BCAS3: variants seen among roughly 807,000 people sequenced by gnomAD.
The protein encoded by BCAS3 is BCAS3 microtubule associated cell migration factor.
A neutral mutation model predicts 116.1 loss-of-function variants in BCAS3; 53 were observed. The ratio of observed to expected loss-of-function variants is 0.46; its 90% CI spans 0.37 to 0.57. The LOEUF is 0.57. BCAS3 is among the 20% of genes least tolerant of loss of function. BCAS3 has a pLI of 0.00. For synonymous variants in BCAS3, 391 were observed against 408.2 expected, an observed-to-expected ratio of 0.96 and a Z score of 0.51; for missense variants, 917 against 1,165.4, an observed-to-expected ratio of 0.79 and a Z score of 3.10.
chr17:61,271,979 T>G (rs2050323745), intron 22 of BCAS3, among the ~76,000 whole-genome samples: 1 of 151,920 alleles, frequency 6.6e-6, no homozygotes, highest in Admixed American at 6.6e-5. Context: ...CCAGCTATTT[T>G]TTTTATTTTT....
At chr17:61,079,223 C>A (rs1168299306) in intron 21 of BCAS3, among the ~76,000 whole-genome samples, 1 of 151,842 alleles carries the variant, frequency 6.6e-6, no homozygotes, top group Non-Finnish European at 1.5e-5. Flanking sequence ...TTCTTGTCTT[C>A]TCTTTAAAAA....
At chr17:61,169,106 A>C (rs1008528667) in intron 22 of BCAS3, among the ~76,000 whole-genome samples, 1 of 152,204 alleles carries the variant, frequency 6.6e-6, no homozygotes, top group African/African-American at 2.4e-5. Context: ...TAACATTAGA[A>C]TATATTTCAT....
rs115152996 is a variant in BCAS3, at chr17:61,325,098, G to A, written c.2426-43229G>A. On this transcript the variant is annotated intron_variant, in intron 22 of 23. Coordinates refer to ENST00000407086, the MANE Select transcript of BCAS3 (RefSeq NM_017679.5). The surrounding 1 kb of genome is among the most constrained non-coding windows in gnomAD (Gnocchi z 6.4). ...CAGTTAGCCTGGGCTTTAAAACCCC[G>A]CTCCCTCCACTGCCAAATGAGTTGC... 9.2e-5 allele frequency among the ~76,000 whole-genome samples: 14 copies of A among 152,116 alleles called. No individual in the cohort carries two copies. The highest frequency in any genetic ancestry group is 5.8e-4 in the East Asian group (3 of 5,180).
At chr17:61,058,078 A>G (rs1474003125) in intron 19 of BCAS3, among the ~76,000 whole-genome samples, 1 of 152,088 alleles carries the variant, frequency 6.6e-6, no homozygotes, top group Non-Finnish European at 1.5e-5. Flanking sequence ...TTGATAGTGT[A>G]TAAGCTCTTA....
intron 6 of BCAS3, among the ~76,000 whole-genome samples, chr17:60,790,740 G>GTTTTTTTTTTTTTTTTTTTTGTT (rs2046689550): frequency 8.4e-6 from 1 of 118,968 alleles, no homozygotes; most frequent in Non-Finnish European, 1.7e-5. Flanking sequence ...GTGTTTGTAG[G>GTTTTTTTTTTTTTTTTTTTTGTT]TTTTTTTTTT....
rs181236595 is a variant in BCAS3 at position 61,317,995 on chromosome 17, G to A, written c.2426-50332G>A. 8.8e-4 allele frequency among the ~76,000 whole-genome samples: 134 copies of A among 152,320 alleles called. No homozygotes were observed. In the Middle Eastern group the frequency reaches 0.01, roughly 12 times the overall value. On this transcript the variant is annotated intron_variant, in intron 22 of 23. Coordinates refer to ENST00000407086, the MANE Select transcript of BCAS3 (RefSeq NM_017679.5). ...CGCAAGCTGTTCTGGCAGGCGTAACGCGTAGGACCAACAGTGAAAGCACAG... is the reference window on the plus strand; with the variant it reads ...CGCAAGCTGTTCTGGCAGGCGTAACACGTAGGACCAACAGTGAAAGCACAG...
Position 60,970,100 on chromosome 17 carries a change from G to A in BCAS3, c.1222-19871G>A, listed in dbSNP as rs1194092734. 2.0e-5 allele frequency among the ~76,000 whole-genome samples: 3 copies of A among 152,154 alleles called. No homozygotes were observed. In the East Asian group the frequency reaches 5.8e-4, roughly 29 times the overall value. On this transcript the variant is annotated intron_variant, in intron 14 of 23. Transcript: ENST00000407086. ...GATGATTTTTCCCTTTTAAAAATTTGTGTCTAATATATGGGAATGATTGAA... is the reference window on the plus strand; with the variant it reads ...GATGATTTTTCCCTTTTAAAAATTTATGTCTAATATATGGGAATGATTGAA...
chr17:60,936,511 C>G (rs931625571), intron 13 of BCAS3, among the ~76,000 whole-genome samples: 21 of 152,156 alleles, frequency 1.4e-4, no homozygotes, highest in Non-Finnish European at 2.9e-4. Flanking sequence ...CACATCCTCT[C>G]CAGCACCTGT....
chr17:61,109,283 T>TTGTGTGTGTGTGTGTGTG (rs113547904), intron 22 of BCAS3, among the ~76,000 whole-genome samples: 33 of 145,428 alleles, frequency 2.3e-4, no homozygotes, highest in African/African-American at 8.1e-4. Flanking sequence ...AGTATTCCAT[T>TTGTGTGTGTGTGTGTGTG]TGTGTGTGTG....
Position 61,203,063 on chromosome 17 carries a change from A to C in BCAS3, c.2425+118499A>C, listed in dbSNP as rs757199007. ...CTGTGCACTAGCTCTCTCTTCAAAA[A>C]AATTATTTAAGTTACATTAAATTTT... On this transcript the variant is annotated intron_variant, in intron 22 of 23. Coordinates refer to ENST00000407086, the MANE Select transcript of BCAS3 (RefSeq NM_017679.5). The surrounding 1 kb of genome is among the most constrained non-coding windows in gnomAD (Gnocchi z 5.7). Among the ~76,000 whole-genome samples, 11 of 152,200 alleles carry C rather than the reference A, an allele frequency of 7.2e-5. No homozygotes were observed. Among genetic ancestry groups the C allele is most frequent in the Admixed American group, 1.3e-4 (2 of 15,278 alleles).
chr17:60,985,624 T>C (rs1397079711), intron 14 of BCAS3, among the ~76,000 whole-genome samples: 2 of 152,152 alleles, frequency 1.3e-5, no homozygotes, highest in Admixed American at 1.3e-4. Context: ...ATCCATTCTT[T>C]CTATTTTTCG....
chr17:61,338,892 A>G lies in BCAS3; in HGVS notation c.2426-29435A>G, dbSNP rs1317951349. Among the ~76,000 whole-genome samples the G allele has an allele frequency of 1.6e-3, 171 of 108,596 alleles. 1 individual carries two copies. The highest frequency in any genetic ancestry group is 8.0e-3 in the African/African-American group (160 of 19,952). 71.2% of individuals were successfully genotyped at this position (108,596 alleles called of 152,430 possible). ...CCTATCTGGTGCCCTTACTGGGAAA[A>G]AAAAAAAAAAAAAAAAAAAAAAAAG... On this transcript the variant is annotated intron_variant, in intron 22 of 23. Coordinates refer to ENST00000407086, the MANE Select transcript of BCAS3 (RefSeq NM_017679.5).
At chr17:61,002,717 A>G (rs1031430077) in intron 15 of BCAS3, 6 of 152,084 alleles carry the variant, frequency 3.9e-5, no homozygotes, top group Admixed American at 3.9e-4. Flanking sequence ...TTTTTTAGTT[A>G]TATCATTTGA....
At position 61,010,098 on chromosome 17, in the gene BCAS3, G is replaced by A. The variant is rs2065010375; in HGVS notation, c.1487-5653G>A. On this transcript the variant is annotated intron_variant, in intron 15 of 23. Transcript: ENST00000407086. ...TTTTTTTTTTTTTTTTCCTGTGGAA[G>A]TGAGTCTGTTAATGATGACTGGTTT... Among the ~76,000 whole-genome samples the A allele has an allele frequency of 2.9e-5, 4 of 140,086 alleles. No homozygotes were observed. In the South Asian group the frequency reaches 9.0e-4, roughly 32 times the overall value. The allele number at this position is 140,086 out of a possible 152,430, so 91.9% of individuals were successfully genotyped here. A position where few individuals can be genotyped will look rare whatever the true frequency, so the allele number is the denominator to read the frequency against.
At chr17:60,846,286 A>G (rs1043542355) in intron 7 of BCAS3, among the ~76,000 whole-genome samples, 6 of 152,104 alleles carry the variant, frequency 3.9e-5, no homozygotes, top group Non-Finnish European at 8.8e-5. Context: ...ACTTATGTCA[A>G]AAGTCCTTTT....
At chr17:61,080,302 C>T (rs1238215318) in intron 21 of BCAS3, among the ~76,000 whole-genome samples, 5 of 152,162 alleles carry the variant, frequency 3.3e-5, no homozygotes, top group Non-Finnish European at 5.9e-5. Flanking sequence ...TCTAATTCTT[C>T]ACCAACTTAT....
intron 5 of BCAS3, among the ~76,000 whole-genome samples, chr17:60,714,892 C>T (rs928308521): frequency 2.6e-5 from 4 of 152,128 alleles, no homozygotes; most frequent in Non-Finnish European, 5.9e-5. Flanking sequence ...CAGAGCCCTT[C>T]TTTCAACACA....
intron 22 of BCAS3, among the ~76,000 whole-genome samples, chr17:61,320,971 T>C (rs1329687623): frequency 2.0e-5 from 3 of 152,222 alleles, no homozygotes; most frequent in South Asian, 2.1e-4. Flanking sequence ...TGCTGTGATA[T>C]AGGCAAGGAT....
In BCAS3 at chr17:61,180,006, G is replaced by GT. The variant is rs1395551335; in HGVS notation, c.2425+95445dup. Among the ~76,000 whole-genome samples, 1 of 151,198 alleles carries GT rather than the reference G, an allele frequency of 6.6e-6. No individual in the cohort carries two copies. Among genetic ancestry groups the GT allele is most frequent in the African/African-American group, 2.4e-5 (1 of 41,126 alleles). On this transcript the variant is annotated intron_variant, in intron 22 of 23. Coordinates refer to ENST00000407086, the MANE Select transcript of BCAS3 (RefSeq NM_017679.5). The surrounding 1 kb of genome is among the most constrained non-coding windows in gnomAD (Gnocchi z 6.0). ...GAGAGTCCTTTGTATTCTCTGAGCT[G>GT]TTTCATAAAAATATATCTGCAAGCT...
Sources: allele counts gnomAD v4.1 joint callset (sites outside exome capture counted in the v4.1 genomes callset), GRCh38; gene constraint gnomAD v4.1.1; non-coding constraint Gnocchi (gnomAD v3.1); transcripts MANE v1.5; gene names NCBI Gene and HGNC (gene_info 2026-07-23, HGNC 2026-07-21).